ITGB5: variants seen among roughly 807,000 people sequenced by gnomAD.
The protein encoded by ITGB5 is integrin beta-5.
In ITGB5, 38 loss-of-function variants were observed where a neutral mutation model predicts 84.8. The observed-to-expected ratio is 0.45, with a 90% CI of 0.35 to 0.59. ITGB5 has a LOEUF of 0.59. Ranked by LOEUF, ITGB5 falls within the 20% of genes least tolerant of loss-of-function variation. The probability of loss-of-function intolerance (pLI) is 0.01; values close to 1 mark genes in which losing one functional copy is unlikely to be tolerated. For synonymous variants in ITGB5, 393 were observed against 414.4 expected, an observed-to-expected ratio of 0.95 and a Z score of 0.63; for missense variants, 905 against 1,034.5, an observed-to-expected ratio of 0.87 and a Z score of 1.72.
chr3:124,885,860 T>A (rs1934779717), intron 1 of ITGB5, among the ~76,000 whole-genome samples: 1 of 152,212 alleles, frequency 6.6e-6, no homozygotes, highest in African/African-American at 2.4e-5. Flanking sequence ...CTCTTAAACC[T>A]AAACCTCCAC....
At chr3:124,857,872 G>A (rs1047321637) in intron 3 of ITGB5, among the ~76,000 whole-genome samples, 1 of 152,064 alleles carries the variant, frequency 6.6e-6, no homozygotes, top group Non-Finnish European at 1.5e-5. Context: ...GGTGGTTCAC[G>A]CCTGTAACCC....
chr3:124,766,091 T>C (rs1257002268), intron 13 of ITGB5, 135 bp downstream of exon 13: 4 of 857,154 alleles, frequency 4.7e-6, no homozygotes, highest in African/African-American at 1.8e-5. Context: ...AAGAAGAAAT[T>C]GTATCCCTCC....
chr3:124,865,043 C>T (rs1160800445), intron 2 of ITGB5, among the ~76,000 whole-genome samples: 1 of 152,178 alleles, frequency 6.6e-6, no homozygotes, highest in Non-Finnish European at 1.5e-5. Flanking sequence ...CCCATTTTAG[C>T]CAAGGCCACT....
chr3:124,897,774 T>G (rs1935132736), intron 1 of ITGB5, among the ~76,000 whole-genome samples: 1 of 152,208 alleles, frequency 6.6e-6, no homozygotes, highest in Admixed American at 6.5e-5. Flanking sequence ...ATAATGGTGT[T>G]TATGCTGGGT....
Position 124,857,896 on chromosome 3 carries a change from G to A in ITGB5, c.361+1346C>T, listed in dbSNP as rs35994893. Among the ~76,000 whole-genome samples the A allele has an allele frequency of 1.0e-2, 1,516 of 152,202 alleles. 19 individuals carry two copies. The highest frequency in any genetic ancestry group is 0.033 in the South Asian group (159 of 4,802). ...CGCCTGTAACCCCAGCACTTTGGGA[G>A]GCCGAGGAAGGTAGATCACCTGAGG... On this transcript the variant is annotated intron_variant, in intron 3 of 14. Coordinates refer to ENST00000296181, the MANE Select transcript of ITGB5 (RefSeq NM_002213.5).
At chr3:124,790,470 CTAGACAGGGTTATCAGAACCGCCTT>C in intron 10 of ITGB5, among the ~76,000 whole-genome samples, 2 of 150,768 alleles carry the variant, frequency 1.3e-5, no homozygotes, top group Admixed American at 1.3e-4. Context: ...CCGCCTTTGA[CTAGACAGGGTTATCAGAACCGCCTT>C]TGACTAGACA....
chr3:124,826,463 A>G (rs974504512), intron 5 of ITGB5, among the ~76,000 whole-genome samples: 18 of 152,230 alleles, frequency 1.2e-4, no homozygotes, highest in African/African-American at 3.6e-4. Flanking sequence ...AACAGGAATA[A>G]TAATATAAAA....
intron 3 of ITGB5, among the ~76,000 whole-genome samples, chr3:124,851,642 C>T (rs983682010): frequency 2.7e-5 from 4 of 149,302 alleles, no homozygotes; most frequent in African/African-American, 9.8e-5. Context: ...CACACACACA[C>T]GCACACATCC....
chr3:124,839,938 G>C (rs2064989005), intron 5 of ITGB5, among the ~76,000 whole-genome samples: 1 of 152,234 alleles, frequency 6.6e-6, no homozygotes, highest in African/African-American at 2.4e-5. Flanking sequence ...GGGGCCCACA[G>C]ACTCTGTGAT....
intron 1 of ITGB5, among the ~76,000 whole-genome samples, chr3:124,874,156 C>A (rs72974549): frequency 0.023 from 3,529 of 151,136 alleles, 126 homozygotes; most frequent in African/African-American, 0.081. Context: ...TTGCTTGAGC[C>A]TAGGAGTCTG....
chr3:124,884,489 T>C (rs1254879356), intron 1 of ITGB5, among the ~76,000 whole-genome samples: 2 of 152,012 alleles, frequency 1.3e-5, no homozygotes, highest in African/African-American at 2.4e-5. Flanking sequence ...TCACCTGAGG[T>C]TGGGAGTTAG....
chr3:124,838,704 C>T (rs1382819598), intron 5 of ITGB5, among the ~76,000 whole-genome samples: 1 of 152,082 alleles, frequency 6.6e-6, no homozygotes, highest in African/African-American at 2.4e-5. Flanking sequence ...GGGGTTCACA[C>T]CATTCTCCTG....
intron 14 of ITGB5, 120 bp downstream of exon 14, chr3:124,764,271 T>G: frequency 4.8e-6 from 5 of 1,034,068 alleles, no homozygotes; most frequent in Non-Finnish European, 7.0e-6. Context: ...GTTTCTGGTG[T>G]TGATTCTTTT....
At chr3:124,882,176 T>C (rs1026936034) in intron 1 of ITGB5, among the ~76,000 whole-genome samples, 18 of 152,144 alleles carry the variant, frequency 1.2e-4, no homozygotes, top group African/African-American at 3.9e-4. Context: ...GGTGCTGTTG[T>C]AGGCATGGAG....
intron 7 of ITGB5, 98 bp downstream of exon 7, chr3:124,819,640 AC>A: frequency 1.2e-6 from 1 of 855,406 alleles, no homozygotes; most frequent in Non-Finnish European, 2.0e-6. Context: ...GCTATATTCC[AC>A]CCCTCCTTTG....
chr3:124,898,305 CT>C (rs1396485036), intron 1 of ITGB5, among the ~76,000 whole-genome samples: 7 of 151,150 alleles, frequency 4.6e-5, no homozygotes, highest in African/African-American at 1.7e-4. Flanking sequence ...TGGAATGAGA[CT>C]TATGTACCAT....
chr3:124,777,019 C>G (rs956880087), intron 10 of ITGB5, among the ~76,000 whole-genome samples: 4 of 152,174 alleles, frequency 2.6e-5, no homozygotes, highest in Non-Finnish European at 5.9e-5. Flanking sequence ...GCAGGGAAGC[C>G]TAGCTGCTTT....
intron 9 of ITGB5, among the ~76,000 whole-genome samples, chr3:124,797,819 A>G (rs1452777943): frequency 1.3e-5 from 2 of 152,168 alleles, no homozygotes; most frequent in Non-Finnish European, 2.9e-5. Flanking sequence ...ACGCACAGAC[A>G]GGTGGCCAGT....
intron 11 of ITGB5, chr3:124,769,497 A>T (rs2063811872): frequency 5.8e-6 from 1 of 171,518 alleles, no homozygotes; most frequent in Non-Finnish European, 1.2e-5. Context: ...TCCCATGGTC[A>T]GAGCTCAATG....
Sources: allele counts gnomAD v4.1 joint callset (sites outside exome capture counted in the v4.1 genomes callset), GRCh38; gene constraint gnomAD v4.1.1; transcripts MANE v1.5; gene names NCBI Gene and HGNC (gene_info 2026-07-23, HGNC 2026-07-21).